PPP2R3A: variants seen among roughly 807,000 people sequenced by gnomAD.
PPP2R3A encodes serine/threonine-protein phosphatase 2A regulatory subunit B'' subunit alpha.
A neutral mutation model predicts 106.9 loss-of-function variants in PPP2R3A; 80 were observed. That is an observed-to-expected ratio of 0.75 (90% CI 0.62 to 0.90). The LOEUF is 0.90. PPP2R3A is among the 40% of genes least tolerant of loss of function. PPP2R3A has a pLI of 0.00. For missense variants in PPP2R3A, 1,386 were observed against 1,350.4 expected (o/e 1.03, Z -0.41); for synonymous variants, 483 against 468.3 (o/e 1.03, Z -0.41).
At chr3:135,977,450 A>G (rs904359713) in intron 1 of PPP2R3A, among the ~76,000 whole-genome samples, 17 of 152,270 alleles carry the variant, frequency 1.1e-4, no homozygotes, top group African/African-American at 4.1e-4. Context: ...TGTGGTCATG[A>G]TCTGTAATCA....
intron 3 of PPP2R3A, among the ~76,000 whole-genome samples, chr3:136,038,053 A>G (rs1216226825): frequency 2.0e-5 from 3 of 152,132 alleles, no homozygotes; most frequent in African/African-American, 7.2e-5. Flanking sequence ...TCAGATTAAT[A>G]CCATTTACTG....
intron 1 of PPP2R3A, among the ~76,000 whole-genome samples, chr3:135,997,755 T>C (rs1295542925): frequency 1.3e-5 from 2 of 152,206 alleles, no homozygotes; most frequent in Non-Finnish European, 2.9e-5. Flanking sequence ...CCTGTCACTT[T>C]CCCCTCCTGC....
At chr3:136,101,292 C>A (rs1015977510) in intron 10 of PPP2R3A, among the ~76,000 whole-genome samples, 10 of 152,156 alleles carry the variant, frequency 6.6e-5, no homozygotes, top group Admixed American at 6.5e-4. Context: ...ATTATAAATT[C>A]TGAATGTTGA....
chr3:135,990,057 ATTACTT>A (rs1933095024), intron 1 of PPP2R3A, among the ~76,000 whole-genome samples: 1 of 152,132 alleles, frequency 6.6e-6, no homozygotes, highest in Non-Finnish European at 1.5e-5. Context: ...TTCTACAGTC[ATTACTT>A]TTATAAAGAT....
At chr3:135,999,763 TTTAC>T (rs1484690016) in intron 1 of PPP2R3A, among the ~76,000 whole-genome samples, 1 of 152,100 alleles carries the variant, frequency 6.6e-6, no homozygotes, top group Non-Finnish European at 1.5e-5. Flanking sequence ...TTTTTATTTA[TTTAC>T]TTATTTTTAT....
At chr3:136,073,989 A>G (rs1361262724) in intron 6 of PPP2R3A, among the ~76,000 whole-genome samples, 1 of 152,266 alleles carries the variant, frequency 6.6e-6, no homozygotes, top group Non-Finnish European at 1.5e-5. Flanking sequence ...TAAGAAACAT[A>G]TAAAGATCAG....
chr3:136,135,747 A>G (rs531076200), intron 13 of PPP2R3A, among the ~76,000 whole-genome samples: 5 of 152,222 alleles, frequency 3.3e-5, no homozygotes, highest in Non-Finnish European at 5.9e-5. Flanking sequence ...TCCATATAGG[A>G]GAAATACAAT....
chr3:136,058,604 A>C lies in PPP2R3A; in HGVS notation c.2469+9243A>C, dbSNP rs528721772. Among the ~76,000 whole-genome samples, 6 of 152,290 alleles carry C rather than the reference A, an allele frequency of 3.9e-5. 1 individual carries two copies. In the South Asian group the frequency reaches 1.0e-3, roughly 26 times the overall value. ...CCATATTGTCCAAAGCAATTTATAG[A>C]TTCAGTGTTAAACTACCATTGACAT... On this transcript the variant is annotated intron_variant, in intron 5 of 13. Coordinates refer to ENST00000264977, the MANE Select transcript of PPP2R3A (RefSeq NM_002718.5).
chr3:135,979,597 A>T (rs547640275), intron 1 of PPP2R3A, among the ~76,000 whole-genome samples: 2 of 151,932 alleles, frequency 1.3e-5, no homozygotes, highest in East Asian at 3.9e-4. Context: ...TAAAAGGCTA[A>T]CAAGTTTCCC....
intron 8 of PPP2R3A, among the ~76,000 whole-genome samples, chr3:136,086,112 CAGGG>C (rs1175518233): frequency 6.6e-6 from 1 of 150,696 alleles, no homozygotes; most frequent in Non-Finnish European, 1.5e-5. Flanking sequence ...GCCTGAGCGA[CAGGG>C]AGACCCTGTC....
At chr3:136,141,673 G>A (rs1482534960) in intron 13 of PPP2R3A, among the ~76,000 whole-genome samples, 1 of 150,604 alleles carries the variant, frequency 6.6e-6, no homozygotes, top group East Asian at 2.0e-4. Context: ...AGAGGGAAGG[G>A]CATTTCAGGC....
At chr3:136,054,653 A>G (rs1273003993) in intron 5 of PPP2R3A, among the ~76,000 whole-genome samples, 2 of 152,228 alleles carry the variant, frequency 1.3e-5, no homozygotes, top group African/African-American at 4.8e-5. Context: ...TGTGAAAATA[A>G]AGGAATTATA....
rs142317682 is a variant in PPP2R3A, at chr3:136,038,590, T to C, written c.2263-2269T>C. ...CATGAGTGACTCTAATGGTGGGAGT[T>C]TGAAGCACTTTGGTAAGCCAGTTCC... On this transcript the variant is annotated intron_variant, in intron 3 of 13. Transcript: ENST00000264977. Among the ~76,000 whole-genome samples the C allele has an allele frequency of 2.6e-5, 4 of 152,304 alleles. No homozygotes were observed. The East Asian group carries it at 7.7e-4, about 29-fold the overall frequency.
At chr3:136,055,531 C>G (rs1369209566) in intron 5 of PPP2R3A, 3 of 1,276,832 alleles carry the variant, frequency 2.3e-6, no homozygotes, top group Non-Finnish European at 3.4e-6. Flanking sequence ...GCCTCATTCT[C>G]TGCATTCACT....
intron 6 of PPP2R3A, among the ~76,000 whole-genome samples, chr3:136,075,544 A>T (rs1377133343): frequency 7.9e-5 from 12 of 152,218 alleles, no homozygotes; most frequent in Admixed American, 7.9e-4. Context: ...GTCTTATAGT[A>T]TTAGATAAGT....
chr3:136,078,153 A>T (rs1263718694), intron 6 of PPP2R3A, among the ~76,000 whole-genome samples: 1 of 152,104 alleles, frequency 6.6e-6, no homozygotes, highest in Non-Finnish European at 1.5e-5. Flanking sequence ...TGAGCAGAGA[A>T]TTTTTTTTAT....
chr3:136,075,169 C>T (rs1208058435), intron 6 of PPP2R3A, among the ~76,000 whole-genome samples: 7 of 151,998 alleles, frequency 4.6e-5, no homozygotes, highest in Admixed American at 2.0e-4. Context: ...TCAATAGATA[C>T]CAAGAAGAAA....
At chr3:135,971,662 A>C (rs1937251069) in intron 1 of PPP2R3A, among the ~76,000 whole-genome samples, 1 of 152,210 alleles carries the variant, frequency 6.6e-6, no homozygotes, top group African/African-American at 2.4e-5. Context: ...GATGATGGTT[A>C]ACTTCTGTAT....
At chr3:136,055,344 C>CG in intron 5 of PPP2R3A, 1 of 953,312 alleles carries the variant, frequency 1.0e-6, no homozygotes, top group Non-Finnish European at 1.7e-6. Context: ...TTGATCAACT[C>CG]TAAGAGTTTA....
Sources: gnomAD v4.1 joint callset for allele counts (sites outside exome capture counted in the v4.1 genomes callset) on GRCh38, gnomAD v4.1.1 for gene constraint, MANE v1.5 for transcripts, NCBI Gene and HGNC (gene_info 2026-07-23, HGNC 2026-07-21) for gene names.